Variants in PCSK6 observed in about 807,000 individuals in gnomAD.
PCSK6 encodes paired basic amino acid cleaving enzyme 4.
PCSK6 carries 85 observed loss-of-function variants against 123.3 expected under a neutral mutation model. The ratio of observed to expected loss-of-function variants is 0.69; its 90% CI spans 0.58 to 0.83. PCSK6 has a LOEUF of 0.83. Among genes scored for constraint, PCSK6 ranks in the 40% least tolerant of loss-of-function variants. PCSK6 has a pLI of 0.00. For missense variants in PCSK6, 1,191 were observed against 1,282.3 expected (o/e 0.93, Z 1.09); for synonymous variants, 508 against 516.0 (o/e 0.98, Z 0.21).
chr15:101,325,086 C>T, intron 16 of PCSK6, 40 bp from the exon 17 acceptor site: 3 of 1,443,756 alleles, frequency 2.1e-6, no homozygotes, highest in Non-Finnish European at 2.8e-6. Context: ...CCTTGCCAAC[C>T]CAGCCCCAGC....
At chr15:101,456,723 G>C (rs182322157) in intron 1 of PCSK6, among the ~76,000 whole-genome samples, 10 of 152,266 alleles carry the variant, frequency 6.6e-5, no homozygotes, top group Admixed American at 3.3e-4. Context: ...TCCTAGCAGT[G>C]GAGGGAACAT....
chr15:101,372,486 T>C (rs953153396), intron 11 of PCSK6, among the ~76,000 whole-genome samples: 8 of 152,228 alleles, frequency 5.3e-5, no homozygotes, highest in African/African-American at 1.7e-4. Flanking sequence ...ACTTCCTTCA[T>C]TGCCTTCTCC....
chr15:101,384,263 C>T, intron 10 of PCSK6, 59 bp downstream of exon 10: 2 of 1,580,942 alleles, frequency 1.3e-6, no homozygotes, highest in South Asian at 1.1e-5. Flanking sequence ...GAATTCATGA[C>T]ACCCCTTCCT....
rs1187766975 is a variant in PCSK6, at chr15:101,414,859, T to C, written c.823+13033A>G. Among the ~76,000 whole-genome samples, 3 of 152,232 alleles carry C rather than the reference T, an allele frequency of 2.0e-5. 1 individual carries two copies. In the East Asian group the frequency reaches 5.8e-4, roughly 29 times the overall value. On this transcript the variant is annotated intron_variant, in intron 6 of 21. Transcript: ENST00000611716. ...ATGTATGAATATAACAAAGTCCTTC[T>C]TTAAAGAGACTCTTCAATTGTGTTA...
chr15:101,460,018 G>A (rs2057303988), intron 1 of PCSK6, among the ~76,000 whole-genome samples: 1 of 152,164 alleles, frequency 6.6e-6, no homozygotes, highest in Non-Finnish European at 1.5e-5. Flanking sequence ...AATTCCATCT[G>A]ATGTTTGCCA....
intron 1 of PCSK6, among the ~76,000 whole-genome samples, chr15:101,455,226 G>A (rs912611374): frequency 6.6e-6 from 1 of 152,184 alleles, no homozygotes; most frequent in Non-Finnish European, 1.5e-5. Flanking sequence ...TGTCACTCAG[G>A]ATGCTGGGAC....
intron 6 of PCSK6, among the ~76,000 whole-genome samples, chr15:101,408,032 G>A (rs1433173303): frequency 1.3e-5 from 2 of 152,224 alleles, no homozygotes; most frequent in African/African-American, 4.8e-5. Flanking sequence ...AATGAGGGCT[G>A]GAGAACAGAA....
chr15:101,384,262 A>G (rs1321805540), intron 10 of PCSK6, 60 bp downstream of exon 10: 1 of 1,580,416 alleles, frequency 6.3e-7, no homozygotes, highest in South Asian at 1.1e-5. Flanking sequence ...GGAATTCATG[A>G]CACCCCTTCC....
intron 1 of PCSK6, among the ~76,000 whole-genome samples, chr15:101,462,304 G>GAGAT (rs1254804460): frequency 2.0e-5 from 3 of 152,156 alleles, no homozygotes; most frequent in Non-Finnish European, 4.4e-5. Context: ...CCTAAATAAA[G>GAGAT]AGATACCATG....
chr15:101,324,560 T>C (rs1017135841), intron 17 of PCSK6, among the ~76,000 whole-genome samples: 1 of 152,216 alleles, frequency 6.6e-6, no homozygotes, highest in African/African-American at 2.4e-5. Flanking sequence ...CCTTGCTCAG[T>C]AGTGGACGTT....
At chr15:101,433,908 C>T (rs558056447) in intron 2 of PCSK6, among the ~76,000 whole-genome samples, 4 of 152,278 alleles carry the variant, frequency 2.6e-5, no homozygotes, top group African/African-American at 9.6e-5. Context: ...TGTCCCACCC[C>T]GATGTAATTC....
chr15:101,400,581 C>A (rs1201240179), intron 6 of PCSK6, among the ~76,000 whole-genome samples: 2 of 152,186 alleles, frequency 1.3e-5, no homozygotes, highest in African/African-American at 2.4e-5. Flanking sequence ...AGGAAGGAGA[C>A]CCTGGAGGTG....
chr15:101,363,941 G>A (rs955009514), intron 13 of PCSK6, among the ~76,000 whole-genome samples: 1 of 151,950 alleles, frequency 6.6e-6, no homozygotes, highest in Non-Finnish European at 1.5e-5. Flanking sequence ...CCCAGCCAAC[G>A]CTTTCTTAAA....
intron 11 of PCSK6, among the ~76,000 whole-genome samples, chr15:101,373,210 C>A (rs1242266704): frequency 6.6e-6 from 1 of 152,210 alleles, no homozygotes; most frequent in Non-Finnish European, 1.5e-5. Context: ...GCTGCTGCTG[C>A]CTGCAGGGAG....
intron 21 of PCSK6, among the ~76,000 whole-genome samples, chr15:101,306,548 C>T (rs1315930186): frequency 1.3e-5 from 2 of 152,200 alleles, no homozygotes; most frequent in Non-Finnish European, 2.9e-5. Flanking sequence ...TGGGCCAGAG[C>T]CCCCTTCCCT....
chr15:101,347,414 G>C, intron 13 of PCSK6: 1 of 1,237,560 alleles, frequency 8.1e-7, no homozygotes, highest in Non-Finnish European at 1.0e-6. Flanking sequence ...GAACTTTTTA[G>C]GATGAATAAA....
intron 11 of PCSK6, among the ~76,000 whole-genome samples, chr15:101,376,120 T>G (rs2041733825): frequency 6.6e-6 from 1 of 152,118 alleles, no homozygotes; most frequent in African/African-American, 2.4e-5. Context: ...AGAGACAGGG[T>G]CTCACTCTGT....
chr15:101,399,566 A>G (rs1290306109), intron 6 of PCSK6, among the ~76,000 whole-genome samples: 1 of 152,164 alleles, frequency 6.6e-6, no homozygotes, highest in African/African-American at 2.4e-5. Context: ...TTCTTGCCTC[A>G]TACTTGGCAT....
At chr15:101,399,179 G>T (rs1244017279) in intron 6 of PCSK6, among the ~76,000 whole-genome samples, 2 of 152,222 alleles carry the variant, frequency 1.3e-5, no homozygotes, top group Admixed American at 6.5e-5. Flanking sequence ...GGGCTTACAG[G>T]CGTGAGCCAC....
Sources: gnomAD v4.1 joint callset for allele counts (sites outside exome capture counted in the v4.1 genomes callset) on GRCh38, gnomAD v4.1.1 for gene constraint, MANE v1.5 for transcripts, NCBI Gene and HGNC (gene_info 2026-07-23, HGNC 2026-07-21) for gene names.